Variants in CBLN2 observed in about 807,000 individuals in gnomAD.
CBLN2 encodes cerebellin 2 precursor.
Under a neutral mutation model 15.0 loss-of-function variants are expected in CBLN2, and 7 were observed. The observed-to-expected ratio is 0.47, with a 90% CI of 0.27 to 0.88. The LOEUF (loss-of-function observed/expected upper bound fraction) is 0.88. Ranked by LOEUF, CBLN2 falls within the 40% of genes least tolerant of loss-of-function variation. CBLN2 has a pLI of 0.14. For synonymous variants in CBLN2, 149 were observed against 135.2 expected, an observed-to-expected ratio of 1.10 and a Z score of -0.71; for missense variants, 242 against 304.5, an observed-to-expected ratio of 0.79 and a Z score of 1.53.
chr18:72,636,791 T>C (rs991713714), intron 1 of CBLN2, among the ~76,000 whole-genome samples: 1 of 152,184 alleles, frequency 6.6e-6, no homozygotes, highest in Non-Finnish European at 1.5e-5. Flanking sequence ...CCACTTGGCA[T>C]GGTTGTTGTA....
chr18:72,573,412 C>T (rs1258768560), intron 1 of CBLN2, among the ~76,000 whole-genome samples: 1 of 152,190 alleles, frequency 6.6e-6, no homozygotes, highest in Non-Finnish European at 1.5e-5. Context: ...TGTAAACCTT[C>T]CGTGCTCTGC....
intron 1 of CBLN2, among the ~76,000 whole-genome samples, chr18:72,611,587 G>C (rs1039891430): frequency 6.6e-6 from 1 of 151,910 alleles, no homozygotes; most frequent in South Asian, 2.1e-4. Context: ...TTTTTAATGG[G>C]GTATTTGTTT....
At chr18:72,629,569 G>A (rs2069761857) in intron 1 of CBLN2, among the ~76,000 whole-genome samples, 1 of 152,034 alleles carries the variant, frequency 6.6e-6, no homozygotes, top group Non-Finnish European at 1.5e-5. Context: ...GTTGGGTAGG[G>A]CAAAAAGAAT....
chr18:72,624,422 T>C (rs2069721508), intron 1 of CBLN2, among the ~76,000 whole-genome samples: 1 of 152,106 alleles, frequency 6.6e-6, no homozygotes, highest in Admixed American at 6.6e-5. Context: ...GGCGGATCAC[T>C]TGAGGTAGGG....
intron 1 of CBLN2, among the ~76,000 whole-genome samples, chr18:72,589,265 G>A (rs1210354317): frequency 6.6e-6 from 1 of 152,144 alleles, no homozygotes; most frequent in Admixed American, 6.5e-5. Context: ...AGTAAGAGAG[G>A]CCAGAAGTAG....
chr18:72,594,774 T>C (rs1380633553), intron 1 of CBLN2, among the ~76,000 whole-genome samples: 1 of 152,134 alleles, frequency 6.6e-6, no homozygotes, highest in Non-Finnish European at 1.5e-5. Flanking sequence ...TGTATGTGTC[T>C]AGGAATTTAT....
chr18:72,585,126 G>A (rs938735318), intron 1 of CBLN2, among the ~76,000 whole-genome samples: 1 of 152,178 alleles, frequency 6.6e-6, no homozygotes, highest in African/African-American at 2.4e-5. Context: ...CCCAAAAAGG[G>A]TGTCACAGCC....
At chr18:72,627,029 A>AGTGG (rs2069744403) in intron 1 of CBLN2, among the ~76,000 whole-genome samples, 1 of 152,168 alleles carries the variant, frequency 6.6e-6, no homozygotes, top group African/African-American at 2.4e-5. Flanking sequence ...TATTTTTGTG[A>AGTGG]GACATCCATA....
chr18:72,555,081 G>C (rs1305691727), intron 1 of CBLN2, among the ~76,000 whole-genome samples: 1 of 151,740 alleles, frequency 6.6e-6, no homozygotes, highest in Non-Finnish European at 1.5e-5. Flanking sequence ...GTTGCAGTGA[G>C]CCGAGATCAT....
intron 1 of CBLN2, among the ~76,000 whole-genome samples, chr18:72,631,887 A>G (rs1007089287): frequency 6.6e-6 from 1 of 152,170 alleles, no homozygotes; most frequent in African/African-American, 2.4e-5. Flanking sequence ...AAATATTGAC[A>G]TATGTAATTT....
intron 1 of CBLN2, among the ~76,000 whole-genome samples, chr18:72,588,177 G>T (rs763754344): frequency 1.3e-5 from 2 of 152,128 alleles, no homozygotes; most frequent in Admixed American, 1.3e-4. Flanking sequence ...TTTCCAGGGC[G>T]TCTGTGATAA....
Position 72,556,213 on chromosome 18 carries a change from C to A in CBLN2, c.16-17441G>T, listed in dbSNP as rs75174893. ...TACTTCACTTCCTCTTTTTAACCAG[C>A]GAATAAATGTGGAATTCTTTTACTA... On this transcript the variant is annotated intron_variant, in intron 1 of 2. Transcript: ENST00000581073. 9.1e-3 allele frequency among the ~76,000 whole-genome samples: 1,380 copies of A among 152,072 alleles called. 21 individuals carry two copies. The highest frequency in any genetic ancestry group is 0.031 in the African/African-American group (1,292 of 41,444).
chr18:72,574,690 TC>T (rs1461805741), intron 1 of CBLN2, among the ~76,000 whole-genome samples: 1 of 152,130 alleles, frequency 6.6e-6, no homozygotes, highest in Non-Finnish European at 1.5e-5. Context: ...AAAGTTATAT[TC>T]TAAAGGCTTA....
chr18:72,626,139 C>T (rs542494429), intron 1 of CBLN2, among the ~76,000 whole-genome samples: 20 of 151,920 alleles, frequency 1.3e-4, no homozygotes, highest in African/African-American at 4.1e-4. Context: ...ATCTCCCGTT[C>T]GGCAAACATT....
In CBLN2 at chr18:72,623,003, C is replaced by T. The variant is rs561303767; in HGVS notation, c.15+15322G>A. Reference sequence around the variant, plus strand: ...AAGAGGTTGAATTGACTCATAGTTCCACAGACTGTACAGGCATGGCTGGGG... The same window carrying T: ...AAGAGGTTGAATTGACTCATAGTTCTACAGACTGTACAGGCATGGCTGGGG... On this transcript the variant is annotated intron_variant, in intron 1 of 2. Transcript: ENST00000581073. Among the ~76,000 whole-genome samples, 59 of 152,274 alleles carry T rather than the reference C, an allele frequency of 3.9e-4. 1 individual carries two copies. The highest frequency in any genetic ancestry group is 1.3e-3 in the African/African-American group (52 of 41,554).
At chr18:72,622,816 G>A (rs748712207) in intron 1 of CBLN2, among the ~76,000 whole-genome samples, 1 of 152,028 alleles carries the variant, frequency 6.6e-6, no homozygotes, top group Non-Finnish European at 1.5e-5. Context: ...ACCCCCCTCC[G>A]TGTTATCAGA....
At chr18:72,583,506 T>A (rs2144921154) in intron 1 of CBLN2, among the ~76,000 whole-genome samples, 1 of 152,318 alleles carries the variant, frequency 6.6e-6, no homozygotes, top group East Asian at 1.9e-4. Flanking sequence ...TGAATTCCAT[T>A]TATCCTGGAC....
rs1163120539 is a variant in CBLN2 at position 72,536,721 on chromosome 18, C to A, written c.*1455G>T. 6.6e-6 allele frequency: 1 copy of A among 152,560 alleles called. No homozygotes were observed. The highest frequency in any genetic ancestry group is 6.5e-5 in the Admixed American group (1 of 15,272). The allele number at this position is 152,560 out of a possible 1,614,324, so 9.5% of individuals were successfully genotyped here. A position where few individuals can be genotyped will look rare whatever the true frequency, so the allele number is the denominator to read the frequency against. On this transcript the variant is annotated 3_prime_UTR_variant, in exon 5 of 5. Transcript: ENST00000269503. ...ATTTATTCTGAATCTTAAATTATGACTTTTATCATCAATATTTTGGTTACA... is the reference window on the plus strand; with the variant it reads ...ATTTATTCTGAATCTTAAATTATGAATTTTATCATCAATATTTTGGTTACA...
At chr18:72,558,619 C>T (rs1172778210) in intron 1 of CBLN2, among the ~76,000 whole-genome samples, 1 of 152,180 alleles carries the variant, frequency 6.6e-6, no homozygotes, top group Non-Finnish European at 1.5e-5. Context: ...TGTGACAATA[C>T]TGCTTTTTGT....
Sources: gnomAD v4.1 joint callset for allele counts (sites outside exome capture counted in the v4.1 genomes callset) on GRCh38, gnomAD v4.1.1 for gene constraint, MANE v1.5 for transcripts, NCBI Gene and HGNC (gene_info 2026-07-23, HGNC 2026-07-21) for gene names.